CDK13: variants seen among roughly 807,000 people sequenced by gnomAD.
The protein encoded by CDK13 is cyclin dependent kinase 13.
CDK13 carries 40 observed loss-of-function variants against 137.6 expected under a neutral mutation model. That is an observed-to-expected ratio of 0.29 (90% CI 0.23 to 0.38). CDK13 has a LOEUF of 0.38. CDK13 is among the 10% of genes least tolerant of loss of function. CDK13 has a pLI of 1.00. For missense variants in CDK13, 1,704 were observed against 1,951.8 expected, an observed-to-expected ratio of 0.87 and a Z score of 2.39; for synonymous variants, 869 against 760.1, an observed-to-expected ratio of 1.14 and a Z score of -2.36.
chr7:39,993,406 C>CTTTTGACATGACCTCG (rs1333928693), intron 2 of CDK13, among the ~76,000 whole-genome samples: 1 of 152,072 alleles, frequency 6.6e-6, no homozygotes, highest in African/African-American at 2.4e-5. Flanking sequence ...CTCCTTTATT[C>CTTTTGACATGACCTCG]TTTTGACATG....
At chr7:39,971,905 CAAAA>C (rs1784007589) in intron 1 of CDK13, among the ~76,000 whole-genome samples, 1 of 151,852 alleles carries the variant, frequency 6.6e-6, no homozygotes, top group African/African-American at 2.4e-5. Context: ...ACAAAAAAAA[CAAAA>C]AAAGGTCCAG....
intron 2 of CDK13, among the ~76,000 whole-genome samples, chr7:39,996,986 AAAG>A (rs1400076659): frequency 2.0e-5 from 3 of 151,010 alleles, no homozygotes; most frequent in Admixed American, 6.6e-5. Flanking sequence ...AGAAAAAAAA[AAAG>A]AAAAATGCTT....
chr7:39,976,317 T>TCACACACACACACACA (rs1240166684), intron 1 of CDK13, among the ~76,000 whole-genome samples: 7 of 63,822 alleles, frequency 1.1e-4, no homozygotes, highest in African/African-American at 1.3e-4. Context: ...TCTCTCTCTC[T>TCACACACACACACACA]CTCTCTCACA....
At chr7:40,089,719 AGAGAGTGT>A (rs1022891272) in intron 12 of CDK13, among the ~76,000 whole-genome samples, 21 of 143,280 alleles carry the variant, frequency 1.5e-4, no homozygotes, top group Admixed American at 5.5e-4. Flanking sequence ...AGAGAGAGAG[AGAGAGTGT>A]GTGTGTGTGT....
chr7:40,019,772 G>C (rs1434205204), intron 5 of CDK13, among the ~76,000 whole-genome samples: 1 of 152,156 alleles, frequency 6.6e-6, no homozygotes, highest in Non-Finnish European at 1.5e-5. Context: ...ACCTAACTGA[G>C]AGACTTTTAA....
chr7:39,967,719 T>C (rs1783902968), intron 1 of CDK13, among the ~76,000 whole-genome samples: 1 of 151,958 alleles, frequency 6.6e-6, no homozygotes, highest in East Asian at 1.9e-4. Flanking sequence ...TGCACAAGGG[T>C]CTCCTTTTCT....
chr7:39,982,160 C>T (rs1179748117), intron 1 of CDK13, among the ~76,000 whole-genome samples: 2 of 133,274 alleles, frequency 1.5e-5, no homozygotes, highest in African/African-American at 2.8e-5. Context: ...TGCTATCCCT[C>T]CCCCCTCCCC....
At chr7:40,008,362 A>G (rs1784834512) in intron 5 of CDK13, among the ~76,000 whole-genome samples, 1 of 152,224 alleles carries the variant, frequency 6.6e-6, no homozygotes, top group African/African-American at 2.4e-5. Flanking sequence ...TCATCTTAGC[A>G]TTGAATAATG....
chr7:40,054,538 C>T (rs1295274325), intron 7 of CDK13, among the ~76,000 whole-genome samples: 3 of 151,930 alleles, frequency 2.0e-5, no homozygotes, highest in Non-Finnish European at 4.4e-5. Context: ...TCAAGCGATT[C>T]TCCTGCCTCA....
chr7:39,984,101 CA>C lies in CDK13; in HGVS notation c.1212-3497del, dbSNP rs1242652229. On this transcript the variant is annotated intron_variant, in intron 1 of 13. Transcript: ENST00000181839. ...GAATGTTTCTAAACACTTCCCTCCACACTGTATTAATGTCAACTAAGAACGG... is the reference window on the plus strand; with the variant it reads ...GAATGTTTCTAAACACTTCCCTCCACCTGTATTAATGTCAACTAAGAACGG... 12 of 152,298 alleles carry C rather than the reference CA, an allele frequency of 7.9e-5. No homozygotes were observed. In the East Asian group the frequency reaches 2.3e-3, roughly 29 times the overall value. 9.4% of individuals were successfully genotyped at this position (152,298 alleles called of 1,614,324 possible). A position where few individuals can be genotyped will look rare whatever the true frequency, so the allele number is the denominator to read the frequency against.
At chr7:39,999,261 TAAAG>T (rs1237030124) in intron 3 of CDK13, 96 bp from the exon 4 acceptor site, 3 of 933,960 alleles carry the variant, frequency 3.2e-6, no homozygotes, top group Non-Finnish European at 4.7e-6. Context: ...TAGGGAAAAA[TAAAG>T]AATATACAAT....
At position 39,951,403 on chromosome 7, in the gene CDK13, C is replaced by T. The variant is rs2116063630; in HGVS notation, c.762C>T (p.Ser254=). ...CCAAGAGCGGCAGCAGCAGCAGCAG[C>T]GGCGGCCGCCGGAAAAGCGCTTCGG... ...EVAKSGSSSS[S]GGRRKSASAT... Residue 254 remains serine (S), a synonymous_variant, in exon 1 of 14, where the codon AGC becomes AGT. Transcript: ENST00000181839. The T allele has an allele frequency of 2.6e-6, 4 of 1,524,128 alleles. No individual in the cohort carries two copies. The highest frequency in any genetic ancestry group is 1.2e-5 in the South Asian group (1 of 82,398). The allele number at this position is 1,524,128 out of a possible 1,614,324, so 94.4% of individuals were successfully genotyped here.
At position 40,099,407 on chromosome 7, in the gene CDK13, C is replaced by G. The variant is rs756791189; in HGVS notation, c.*4427C>G. On this transcript the variant is annotated 3_prime_UTR_variant, in exon 14 of 14. Coordinates refer to ENST00000181839, the MANE Select transcript of CDK13 (RefSeq NM_003718.5). Reference sequence around the variant, plus strand: ...CTATAGTGAATACAGAATCACTCTTCTAAGTTTTTTCCCAGTTAATTTGTT... The same window carrying G: ...CTATAGTGAATACAGAATCACTCTTGTAAGTTTTTTCCCAGTTAATTTGTT... The G allele has an allele frequency of 6.6e-6, 1 of 152,170 alleles. No individual in the cohort carries two copies. Among genetic ancestry groups the G allele is most frequent in the African/African-American group, 2.4e-5 (1 of 41,450 alleles). 9.4% of individuals were successfully genotyped at this position (152,170 alleles called of 1,614,324 possible). A position where few individuals can be genotyped will look rare whatever the true frequency, so the allele number is the denominator to read the frequency against.
At chr7:40,048,434 C>G (rs1232640278) in intron 7 of CDK13, 3 of 152,032 alleles carry the variant, frequency 2.0e-5, no homozygotes, top group Non-Finnish European at 4.4e-5. Flanking sequence ...CTTATTAAAA[C>G]TAATATGGGA....
chr7:40,017,450 G>A (rs551609536), intron 5 of CDK13, among the ~76,000 whole-genome samples: 1 of 152,112 alleles, frequency 6.6e-6, no homozygotes, highest in Admixed American at 6.5e-5. Flanking sequence ...CTTTACTGAA[G>A]CACAGTATAT....
intron 5 of CDK13, among the ~76,000 whole-genome samples, chr7:40,023,463 T>C (rs909860024): frequency 6.6e-6 from 1 of 151,990 alleles, no homozygotes; most frequent in Non-Finnish European, 1.5e-5. Context: ...TTTTGTCTTC[T>C]GGTGTCACAC....
At chr7:40,076,790 C>T (rs1272094505) in intron 9 of CDK13, among the ~76,000 whole-genome samples, 1 of 152,166 alleles carries the variant, frequency 6.6e-6, no homozygotes, top group Non-Finnish European at 1.5e-5. Flanking sequence ...TGAGCCATTA[C>T]TTGTTCATAT....
At chr7:39,974,689 A>G (rs140166258) in intron 1 of CDK13, among the ~76,000 whole-genome samples, 112 of 151,412 alleles carry the variant, frequency 7.4e-4, no homozygotes, top group Middle Eastern at 6.8e-3. Flanking sequence ...TCAGCCTCCT[A>G]TGTAGCTGGG....
intron 5 of CDK13, among the ~76,000 whole-genome samples, chr7:40,005,122 C>T (rs777388431): frequency 6.7e-6 from 1 of 149,624 alleles, no homozygotes; most frequent in African/African-American, 2.5e-5. Flanking sequence ...TGCAGTGAGC[C>T]GAGATTGCAC....
Sources: gnomAD v4.1 joint callset for allele counts (sites outside exome capture counted in the v4.1 genomes callset) on GRCh38, gnomAD v4.1.1 for gene constraint, MANE v1.5 for transcripts, NCBI Gene and HGNC (gene_info 2026-07-23, HGNC 2026-07-21) for gene names.